NFIB: variants seen among roughly 807,000 people sequenced by gnomAD.
The protein encoded by NFIB is nuclear factor 1 B-type.
In NFIB, 11 loss-of-function variants were observed where a neutral mutation model predicts 61.5. The observed-to-expected ratio is 0.18, with a 90% CI of 0.11 to 0.30. NFIB has a LOEUF of 0.30. NFIB is among the 10% of genes least tolerant of loss of function. The pLI, the probability that NFIB is intolerant of heterozygous loss-of-function variation, is 1.00. For missense variants in NFIB, 471 were observed against 608.9 expected, an observed-to-expected ratio of 0.77 and a Z score of 2.38; for synonymous variants, 260 against 216.5, an observed-to-expected ratio of 1.20 and a Z score of -1.76.
intron 2 of NFIB, among the ~76,000 whole-genome samples, chr9:14,188,105 G>GA (rs1463421792): frequency 6.6e-6 from 1 of 152,170 alleles, no homozygotes; most frequent in African/African-American, 2.4e-5. Context: ...TTAACCTACA[G>GA]AATGCAAAAA....
Position 14,083,398 on chromosome 9 carries a change from A to G in NFIB, c.*4911T>C, listed in dbSNP as rs915673514. 13 of 222,292 alleles carry G rather than the reference A, an allele frequency of 5.8e-5. No individual in the cohort carries two copies. Among genetic ancestry groups the G allele is most frequent in the African/African-American group, 2.5e-4 (11 of 44,502 alleles). 13.8% of individuals were successfully genotyped at this position (222,292 alleles called of 1,614,324 possible). On this transcript the variant is annotated 3_prime_UTR_variant, in exon 11 of 11. Coordinates refer to ENST00000380953, the MANE Select transcript of NFIB (RefSeq NM_001190737.2). Reference sequence around the variant, plus strand: ...CTACCAGAAAGTGCAAAATATGAAGAAGGCAGCTTTCAGCTCCTTCAGCAT... The same window carrying G: ...CTACCAGAAAGTGCAAAATATGAAGGAGGCAGCTTTCAGCTCCTTCAGCAT...
chr9:14,223,868 T>C (rs1230239490), intron 2 of NFIB, among the ~76,000 whole-genome samples: 1 of 152,152 alleles, frequency 6.6e-6, no homozygotes, highest in East Asian at 1.9e-4. Context: ...CAACGGTTTG[T>C]TTCCTTCTCA....
intron 2 of NFIB, among the ~76,000 whole-genome samples, chr9:14,183,240 G>A (rs1412602603): frequency 6.6e-6 from 1 of 151,930 alleles, no homozygotes; most frequent in African/African-American, 2.4e-5. Flanking sequence ...CAAAAGGGAG[G>A]AGTCCACTGC....
intron 6 of NFIB, among the ~76,000 whole-genome samples, chr9:14,143,991 A>AGAGTGTGTGTGTGTGTGT (rs1554647267): frequency 7.5e-6 from 1 of 134,150 alleles, no homozygotes; most frequent in African/African-American, 2.8e-5. Flanking sequence ...AAAGTGACAG[A>AGAGTGTGTGTGTGTGTGT]GTGTGTGTGT....
intron 6 of NFIB, among the ~76,000 whole-genome samples, chr9:14,141,124 A>G (rs2041653596): frequency 6.6e-6 from 1 of 152,332 alleles, no homozygotes; most frequent in East Asian, 1.9e-4. Context: ...AGAAAGTGCA[A>G]ACTGAAATTT....
the NFIB span, among the ~76,000 whole-genome samples, chr9:14,410,484 G>C: frequency 1.3e-5 from 2 of 152,118 alleles, no homozygotes; most frequent in South Asian, 4.1e-4. Flanking sequence ...AGGAGATTTG[G>C]GAAGAGTTAC....
chr9:14,313,861 T>A lies in NFIB; in HGVS notation c.-350A>T. The A allele has an allele frequency of 8.3e-7, 1 of 1,202,428 alleles. No homozygotes were observed. The highest frequency in any genetic ancestry group is 1.0e-6 in the Non-Finnish European group (1 of 962,732). 74.5% of individuals were successfully genotyped at this position (1,202,428 alleles called of 1,614,324 possible). Reference sequence around the variant, plus strand: ...TTTTCTATTTTGCAGTTGTTGTTGTTGTTGGGGTGTAGGGGGTGCGCGAAG... The same window carrying A: ...TTTTCTATTTTGCAGTTGTTGTTGTAGTTGGGGTGTAGGGGGTGCGCGAAG... On this transcript the variant is annotated 5_prime_UTR_variant, in exon 1 of 11. Transcript: ENST00000380953. The surrounding 1 kb of genome is among the most constrained non-coding windows in gnomAD (Gnocchi z 4.5).
chr9:14,431,636 T>G, the NFIB span, among the ~76,000 whole-genome samples: 795 of 124,678 alleles, frequency 6.4e-3, 5 homozygotes, highest in African/African-American at 0.023. Context: ...TTGTTTTGTT[T>G]TTTTTTTTTT....
At chr9:14,258,600 G>C (rs960527836) in intron 2 of NFIB, among the ~76,000 whole-genome samples, 1 of 152,186 alleles carries the variant, frequency 6.6e-6, no homozygotes, top group Non-Finnish European at 1.5e-5. Flanking sequence ...TACAGTAGAA[G>C]CCATTCCAAA....
At chr9:14,112,879 T>A in intron 10 of NFIB, 120 bp downstream of exon 10, 1 of 761,928 alleles carries the variant, frequency 1.3e-6, no homozygotes, top group South Asian at 1.9e-5. Flanking sequence ...AATGAAATGA[T>A]CAGTTTTGGT....
the NFIB span, among the ~76,000 whole-genome samples, chr9:14,491,861 A>T: frequency 6.6e-6 from 1 of 152,200 alleles, no homozygotes; most frequent in Non-Finnish European, 1.5e-5. Context: ...ATGATGATGA[A>T]GGGATAAATA....
At chr9:14,520,666 T>C in the NFIB span, among the ~76,000 whole-genome samples, 1 of 152,210 alleles carries the variant, frequency 6.6e-6, no homozygotes, top group Non-Finnish European at 1.5e-5. Context: ...CAGAGAACTT[T>C]TGCATTCACT....
At chr9:14,355,773 G>A (rs1019591256) in intron 1 of NFIB, among the ~76,000 whole-genome samples, 19 of 152,252 alleles carry the variant, frequency 1.2e-4, no homozygotes, top group African/African-American at 3.6e-4. Context: ...TGCCTAACAC[G>A]GTGAAACCCT....
the NFIB span, among the ~76,000 whole-genome samples, chr9:14,414,428 T>C: frequency 1.6e-5 from 2 of 123,826 alleles, no homozygotes; most frequent in Non-Finnish European, 3.2e-5. Context: ...AGTGAGACTG[T>C]CTCAAAAAAA....
At chr9:14,460,196 T>C in the NFIB span, among the ~76,000 whole-genome samples, 1 of 152,036 alleles carries the variant, frequency 6.6e-6, no homozygotes. Context: ...CCATAAAAAA[T>C]GATGAGTTCA....
intron 6 of NFIB, among the ~76,000 whole-genome samples, chr9:14,143,699 C>T (rs2041990251): frequency 6.6e-6 from 1 of 152,098 alleles, no homozygotes; most frequent in Non-Finnish European, 1.5e-5. Context: ...CATGTCAAAG[C>T]TATTTCAATG....
At chr9:14,262,743 T>C (rs2056880735) in intron 2 of NFIB, among the ~76,000 whole-genome samples, 1 of 152,206 alleles carries the variant, frequency 6.6e-6, no homozygotes, top group Admixed American at 6.5e-5. Flanking sequence ...TTCATACGCG[T>C]CAAGAGTCAC....
chr9:14,143,467 T>G (rs2041966757), intron 6 of NFIB, among the ~76,000 whole-genome samples: 1 of 152,150 alleles, frequency 6.6e-6, no homozygotes, highest in Admixed American at 6.5e-5. Context: ...TTATCTTTGA[T>G]TCTCATATTT....
the NFIB span, among the ~76,000 whole-genome samples, chr9:14,417,217 C>A: frequency 6.6e-6 from 1 of 152,164 alleles, no homozygotes; most frequent in Non-Finnish European, 1.5e-5. Context: ...GTATTTTTTA[C>A]TGTACCTTTT....
Sources: gnomAD v4.1 joint callset for allele counts (sites outside exome capture counted in the v4.1 genomes callset) on GRCh38, gnomAD v4.1.1 for gene constraint, Gnocchi (gnomAD v3.1) non-coding constraint, MANE v1.5 for transcripts, NCBI Gene and HGNC (gene_info 2026-07-23, HGNC 2026-07-21) for gene names.